Variants in FER observed in about 807,000 individuals in gnomAD.
FER encodes tyrosine-protein kinase Fer.
In FER, 63 loss-of-function variants were observed where a neutral mutation model predicts 111.0. That is an observed-to-expected ratio of 0.57 (90% CI 0.46 to 0.70). The LOEUF is 0.70. FER is among the 30% of genes least tolerant of loss of function. FER has a pLI of 0.00. For missense variants in FER, 914 were observed against 954.0 expected, an observed-to-expected ratio of 0.96 and a Z score of 0.55; for synonymous variants, 327 against 313.9, an observed-to-expected ratio of 1.04 and a Z score of -0.44.
intron 16 of FER, among the ~76,000 whole-genome samples, chr5:109,096,339 G>T (rs72796564): frequency 6.6e-6 from 1 of 151,788 alleles, no homozygotes; most frequent in African/African-American, 2.4e-5. Flanking sequence ...TATCTTATCC[G>T]TTAGATATCT....
intron 5 of FER, among the ~76,000 whole-genome samples, chr5:108,864,688 A>G (rs1763857995): frequency 6.6e-6 from 1 of 152,060 alleles, no homozygotes; most frequent in African/African-American, 2.4e-5. Flanking sequence ...CATTATTTCT[A>G]AGGGCTCTGT....
intron 12 of FER, among the ~76,000 whole-genome samples, chr5:108,955,869 A>G (rs533123881): frequency 1.3e-5 from 2 of 151,932 alleles, no homozygotes; most frequent in African/African-American, 4.8e-5. Context: ...ATAAGTTTAT[A>G]TATATATAAA....
chr5:109,187,721 G>A lies in FER; in HGVS notation c.*146G>A, dbSNP rs1424284955. ...TATTAACTGGGTGTTTTAAAAGTACGTTCCACTTGTAAAAAGTCAAAGGCA... is the reference window on the plus strand; with the variant it reads ...TATTAACTGGGTGTTTTAAAAGTACATTCCACTTGTAAAAAGTCAAAGGCA... On this transcript the variant is annotated 3_prime_UTR_variant, in exon 20 of 20. Coordinates refer to ENST00000281092, the MANE Select transcript of FER (RefSeq NM_005246.4). The A allele has an allele frequency of 2.2e-5, 23 of 1,049,190 alleles. No individual in the cohort carries two copies. The highest frequency in any genetic ancestry group is 1.7e-4 in the Admixed American group (6 of 35,166). 65.0% of individuals were successfully genotyped at this position (1,049,190 alleles called of 1,614,324 possible). A position where few individuals can be genotyped will look rare whatever the true frequency, so the allele number is the denominator to read the frequency against.
At chr5:108,815,301 A>G (rs556532960) in intron 3 of FER, among the ~76,000 whole-genome samples, 27 of 152,138 alleles carry the variant, frequency 1.8e-4, no homozygotes, top group African/African-American at 5.5e-4. Context: ...TATATTGCCA[A>G]TATAAATATA....
At chr5:108,959,585 T>C (rs914171260) in intron 13 of FER, among the ~76,000 whole-genome samples, 6 of 152,108 alleles carry the variant, frequency 3.9e-5, no homozygotes, top group African/African-American at 1.2e-4. Flanking sequence ...TGGTTTTTTT[T>C]CCCCTTTCCT....
At chr5:108,932,912 C>G (rs560746971) in intron 10 of FER, among the ~76,000 whole-genome samples, 1 of 143,124 alleles carries the variant, frequency 7.0e-6, no homozygotes, top group Non-Finnish European at 1.5e-5. Context: ...TGTTTAAGTT[C>G]CTTGTAGATT....
intron 11 of FER, among the ~76,000 whole-genome samples, chr5:108,948,981 G>T (rs577620846): frequency 6.6e-6 from 1 of 152,136 alleles, no homozygotes; most frequent in African/African-American, 2.4e-5. Flanking sequence ...TCTACACTCT[G>T]TTGACATGGG....
At chr5:108,795,942 C>A (rs1755967654) in intron 2 of FER, among the ~76,000 whole-genome samples, 1 of 152,122 alleles carries the variant, frequency 6.6e-6, no homozygotes, top group Non-Finnish European at 1.5e-5. Context: ...TCGACAGAGT[C>A]TGTACATTCG....
chr5:109,053,064 A>G (rs896280897), intron 16 of FER, among the ~76,000 whole-genome samples: 1 of 152,182 alleles, frequency 6.6e-6, no homozygotes, highest in Non-Finnish European at 1.5e-5. Flanking sequence ...GTAATATCAC[A>G]CATTTATTAA....
chr5:109,153,716 C>A (rs187051319), intron 17 of FER, among the ~76,000 whole-genome samples: 8 of 151,824 alleles, frequency 5.3e-5, no homozygotes, highest in African/African-American at 1.9e-4. Context: ...TCATTATCCC[C>A]AGTTTACAGA....
chr5:108,792,559 A>T (rs2150028410), intron 2 of FER, among the ~76,000 whole-genome samples: 1 of 151,428 alleles, frequency 6.6e-6, no homozygotes, highest in Non-Finnish European at 1.5e-5. Context: ...CTGGTCCCAA[A>T]CTCCTGACCT....
intron 3 of FER, among the ~76,000 whole-genome samples, chr5:108,819,190 T>G (rs1163125753): frequency 6.6e-6 from 1 of 150,918 alleles, no homozygotes; most frequent in African/African-American, 2.4e-5. Context: ...TTTTTTTTTT[T>G]TTTTTTTTAA....
At chr5:109,142,453 A>G (rs913601966) in intron 17 of FER, among the ~76,000 whole-genome samples, 1 of 152,178 alleles carries the variant, frequency 6.6e-6, no homozygotes, top group African/African-American at 2.4e-5. Context: ...GAAAATTTTC[A>G]TCAAAGAGGT....
At chr5:109,154,419 A>C (rs1755152698) in intron 17 of FER, among the ~76,000 whole-genome samples, 1 of 151,972 alleles carries the variant, frequency 6.6e-6, no homozygotes, top group African/African-American at 2.4e-5. Flanking sequence ...TAGGAAAGAT[A>C]AGATAAATAA....
chr5:108,931,675 GA>G (rs930068155), intron 10 of FER, among the ~76,000 whole-genome samples: 10 of 152,002 alleles, frequency 6.6e-5, no homozygotes, highest in Non-Finnish European at 1.2e-4. Flanking sequence ...ACTAAAAATA[GA>G]AAAATTAGCT....
At chr5:108,879,696 AAAAAAATAT>A (rs59297970) in intron 8 of FER, among the ~76,000 whole-genome samples, 2,746 of 113,098 alleles carry the variant, frequency 0.024, 174 homozygotes, top group African/African-American at 0.11. Context: ...TTTAGATTAA[AAAAAAATAT>A]ATATATATAT....
At chr5:108,827,567 G>T (rs1349562375) in intron 3 of FER, among the ~76,000 whole-genome samples, 2 of 151,776 alleles carry the variant, frequency 1.3e-5, no homozygotes, top group African/African-American at 2.4e-5. Flanking sequence ...CTGTAATTAA[G>T]TAAGCTCTTC....
intron 5 of FER, among the ~76,000 whole-genome samples, chr5:108,841,012 C>A (rs555917601): frequency 1.3e-5 from 2 of 152,024 alleles, no homozygotes; most frequent in African/African-American, 4.8e-5. Context: ...TAGCAGATGA[C>A]TGGGAAGAGA....
intron 17 of FER, among the ~76,000 whole-genome samples, chr5:109,121,568 C>T (rs944808775): frequency 9.1e-4 from 139 of 152,056 alleles, no homozygotes; most frequent in Middle Eastern, 3.4e-3. Flanking sequence ...TTTGATGTGT[C>T]TTTATCCGGT....
Sources: allele counts gnomAD v4.1 joint callset (sites outside exome capture counted in the v4.1 genomes callset), GRCh38; gene constraint gnomAD v4.1.1; transcripts MANE v1.5; gene names NCBI Gene and HGNC (gene_info 2026-07-23, HGNC 2026-07-21).